ITGA9: variants seen among roughly 807,000 people sequenced by gnomAD.
ITGA9 encodes integrin subunit alpha 9, also known as integrin alpha-9.
ITGA9 carries 56 observed loss-of-function variants against 127.8 expected under a neutral mutation model. The ratio of observed to expected loss-of-function variants is 0.44; its 90% CI spans 0.35 to 0.55. The LOEUF is 0.55. Among genes scored for constraint, ITGA9 ranks in the 20% least tolerant of loss-of-function variants. The pLI is 0.00. For synonymous variants in ITGA9, 508 were observed against 514.5 expected, an observed-to-expected ratio of 0.99 and a Z score of 0.17; for missense variants, 1,196 against 1,347.1, an observed-to-expected ratio of 0.89 and a Z score of 1.76.
chr3:37,527,554 C>T (rs1181572093), intron 13 of ITGA9, among the ~76,000 whole-genome samples: 1 of 152,146 alleles, frequency 6.6e-6, no homozygotes, highest in Non-Finnish European at 1.5e-5. Flanking sequence ...GTAATTATTT[C>T]CCATGTGACT....
chr3:37,479,906 G>T (rs936796156), intron 3 of ITGA9, among the ~76,000 whole-genome samples: 1 of 152,230 alleles, frequency 6.6e-6, no homozygotes, highest in African/African-American at 2.4e-5. Context: ...GATTGCAGAA[G>T]AGGTCAGAGG....
intron 17 of ITGA9, among the ~76,000 whole-genome samples, chr3:37,682,887 G>A (rs992226629): frequency 2.6e-5 from 4 of 152,162 alleles, no homozygotes; most frequent in South Asian, 2.1e-4. Context: ...TGGCCTTCAC[G>A]TTCATCTTCT....
intron 15 of ITGA9, among the ~76,000 whole-genome samples, chr3:37,624,981 A>G (rs1417557615): frequency 6.6e-6 from 1 of 152,176 alleles, no homozygotes; most frequent in African/African-American, 2.4e-5. Context: ...TTAAGATCAC[A>G]TAACCTGCAA....
intron 26 of ITGA9, among the ~76,000 whole-genome samples, chr3:37,789,138 C>T (rs1351446975): frequency 6.6e-6 from 1 of 152,174 alleles, no homozygotes; most frequent in African/African-American, 2.4e-5. Flanking sequence ...TATCGAGTCT[C>T]TTTCCCTAAC....
chr3:37,483,473 A>G (rs1442990429), intron 4 of ITGA9, among the ~76,000 whole-genome samples: 1 of 152,082 alleles, frequency 6.6e-6, no homozygotes, highest in East Asian at 1.9e-4. Flanking sequence ...AAATTGTTCT[A>G]GAAGACACCA....
chr3:37,508,917 TG>T (rs1370524824), intron 8 of ITGA9, among the ~76,000 whole-genome samples: 2 of 152,222 alleles, frequency 1.3e-5, no homozygotes, highest in African/African-American at 4.8e-5. Context: ...TCAAAGTGAC[TG>T]CATGCCCTGT....
intron 22 of ITGA9, chr3:37,748,380 T>C (rs149382657): frequency 1.7e-6 from 1 of 603,304 alleles, no homozygotes; most frequent in Non-Finnish European, 3.1e-6. Context: ...AGAAAATTAA[T>C]GTACGTATTG....
intron 23 of ITGA9, among the ~76,000 whole-genome samples, chr3:37,770,650 C>A (rs2125547051): frequency 6.6e-6 from 1 of 152,322 alleles, no homozygotes; most frequent in African/African-American, 2.4e-5. Flanking sequence ...TTCTCAGTAT[C>A]ACACCTATGG....
intron 1 of ITGA9, among the ~76,000 whole-genome samples, chr3:37,466,529 T>C (rs955070581): frequency 1.4e-5 from 2 of 143,102 alleles, no homozygotes; most frequent in Non-Finnish European, 3.0e-5. Flanking sequence ...TTTGAGTTTG[T>C]GGCATCTTTA....
chr3:37,663,350 G>A (rs1484114476), intron 17 of ITGA9, among the ~76,000 whole-genome samples: 2 of 152,152 alleles, frequency 1.3e-5, no homozygotes, highest in African/African-American at 4.8e-5. Flanking sequence ...TGTCTGGCTA[G>A]CCAACTCCGA....
At chr3:37,741,659 G>A (rs1382300756) in intron 20 of ITGA9, 71 bp from the exon 21 acceptor site, 1 of 1,174,912 alleles carries the variant, frequency 8.5e-7, no homozygotes, top group Non-Finnish European at 1.3e-6. Flanking sequence ...ACTCTAAAGT[G>A]GAACAGAGAA....
intron 15 of ITGA9, among the ~76,000 whole-genome samples, chr3:37,557,206 C>A (rs1178123358): frequency 3.3e-5 from 5 of 152,116 alleles, no homozygotes; most frequent in Non-Finnish European, 4.4e-5. Context: ...TTTCTTGGGG[C>A]AAACAGAATA....
chr3:37,795,219 G>A (rs940654560), intron 26 of ITGA9, among the ~76,000 whole-genome samples: 3 of 152,154 alleles, frequency 2.0e-5, no homozygotes, highest in African/African-American at 7.2e-5. Flanking sequence ...ACCTCCTCTT[G>A]GATGGTATTG....
At chr3:37,657,242 A>G (rs945938173) in intron 17 of ITGA9, among the ~76,000 whole-genome samples, 1 of 152,092 alleles carries the variant, frequency 6.6e-6, no homozygotes, top group Non-Finnish European at 1.5e-5. Flanking sequence ...GTTCTATTGA[A>G]TGGAATAGTT....
chr3:37,798,510 G>A (rs1020567491), intron 26 of ITGA9, among the ~76,000 whole-genome samples: 4 of 152,124 alleles, frequency 2.6e-5, no homozygotes, highest in Non-Finnish European at 5.9e-5. Flanking sequence ...CCCCATTCTA[G>A]ACTCTAATTC....
intron 27 of ITGA9, among the ~76,000 whole-genome samples, chr3:37,816,853 G>T (rs1697439636): frequency 6.6e-6 from 1 of 152,200 alleles, no homozygotes; most frequent in African/African-American, 2.4e-5. Context: ...CTTGCCAGTT[G>T]TTCTAAGAAA....
chr3:37,518,235 C>T (rs571284859), intron 10 of ITGA9, among the ~76,000 whole-genome samples: 1 of 152,110 alleles, frequency 6.6e-6, no homozygotes, highest in Non-Finnish European at 1.5e-5. Context: ...CACCTCGCTG[C>T]ATACACAGCA....
chr3:37,686,292 C>T (rs2212030), intron 18 of ITGA9, among the ~76,000 whole-genome samples: 11,154 of 152,034 alleles, frequency 0.073, 1,231 homozygotes, highest in African/African-American at 0.24. Context: ...GATGTGCTGT[C>T]GGGTCAAAGC....
At chr3:37,734,990 G>A (rs1248701073) in intron 19 of ITGA9, among the ~76,000 whole-genome samples, 1 of 152,204 alleles carries the variant, frequency 6.6e-6, no homozygotes, top group Non-Finnish European at 1.5e-5. Context: ...CAGAGACGGG[G>A]CTCCCCGTAT....
Sources: gnomAD v4.1 joint callset for allele counts (sites outside exome capture counted in the v4.1 genomes callset) on GRCh38, gnomAD v4.1.1 for gene constraint, MANE v1.5 for transcripts, NCBI Gene and HGNC (gene_info 2026-07-23, HGNC 2026-07-21) for gene names.